The following DPP10 variants were observed in gnomAD, a reference collection of about 807,000 sequenced individuals.
The protein encoded by DPP10 is inactive dipeptidyl peptidase 10.
DPP10 carries 33 observed loss-of-function variants against 120.9 expected under a neutral mutation model. The observed-to-expected ratio is 0.27, with a 90% CI of 0.21 to 0.37. The LOEUF (loss-of-function observed/expected upper bound fraction) is 0.37, where lower values mean the gene tolerates loss of function less well. DPP10 is among the 10% of genes least tolerant of loss of function. DPP10 has a pLI of 1.00. For synonymous variants in DPP10, 337 were observed against 326.1 expected, an observed-to-expected ratio of 1.03 and a Z score of -0.36; for missense variants, 816 against 942.8, an observed-to-expected ratio of 0.87 and a Z score of 1.76.
chr2:115,784,564 A>T (rs1395586926), intron 17 of DPP10, among the ~76,000 whole-genome samples: 1 of 152,008 alleles, frequency 6.6e-6, no homozygotes, highest in Non-Finnish European at 1.5e-5. Flanking sequence ...ACAGAATTTC[A>T]CTCTTGTTGC....
intron 1 of DPP10, among the ~76,000 whole-genome samples, chr2:114,692,987 G>T (rs1253549685): frequency 6.6e-6 from 1 of 151,892 alleles, no homozygotes; most frequent in African/African-American, 2.4e-5. Context: ...ACGTGAGATG[G>T]GTCTTTTGAA....
chr2:114,625,327 C>G (rs570416143), intron 1 of DPP10, among the ~76,000 whole-genome samples: 1 of 151,878 alleles, frequency 6.6e-6, no homozygotes, highest in Non-Finnish European at 1.5e-5. Context: ...TTGGTTAGAT[C>G]TAGAGGTAGG....
At chr2:115,371,110 C>A (rs1049281250) in intron 3 of DPP10, among the ~76,000 whole-genome samples, 3 of 152,090 alleles carry the variant, frequency 2.0e-5, no homozygotes, top group Non-Finnish European at 4.4e-5. Flanking sequence ...GGGGATCGTA[C>A]AACATCTGCT....
At chr2:114,805,470 T>A (rs1244479043) in intron 1 of DPP10, among the ~76,000 whole-genome samples, 5 of 152,188 alleles carry the variant, frequency 3.3e-5, no homozygotes, top group Non-Finnish European at 5.9e-5. Flanking sequence ...AAGTTGTTCT[T>A]GGTTACCTGT....
intron 5 of DPP10, among the ~76,000 whole-genome samples, chr2:115,531,281 C>A (rs1432282939): frequency 6.6e-6 from 1 of 151,936 alleles, no homozygotes; most frequent in African/African-American, 2.4e-5. Flanking sequence ...GGAGTGGGCC[C>A]AGCAATCTGT....
At chr2:114,690,673 T>A (rs1573975326) in intron 1 of DPP10, among the ~76,000 whole-genome samples, 1 of 152,028 alleles carries the variant, frequency 6.6e-6, no homozygotes, top group South Asian at 2.1e-4. Context: ...TTACTTTGGG[T>A]AGTATGTCCA....
intron 1 of DPP10, among the ~76,000 whole-genome samples, chr2:114,577,245 C>T (rs1010631460): frequency 1.3e-5 from 2 of 152,214 alleles, no homozygotes; most frequent in Non-Finnish European, 2.9e-5. Context: ...TTATCCCCAT[C>T]TTATAAATAG....
intron 5 of DPP10, among the ~76,000 whole-genome samples, chr2:115,657,481 A>G (rs1385693809): frequency 6.6e-6 from 1 of 151,764 alleles, no homozygotes; most frequent in Non-Finnish European, 1.5e-5. Flanking sequence ...AATCATCTGT[A>G]TCTTTCTTTT....
At chr2:115,282,690 G>T (rs1012305059) in intron 1 of DPP10, among the ~76,000 whole-genome samples, 1 of 152,096 alleles carries the variant, frequency 6.6e-6, no homozygotes, top group Non-Finnish European at 1.5e-5. Context: ...ATGTGCCAGA[G>T]CCTAGTTAAA....
chr2:114,853,718 C>T (rs1262775379), intron 1 of DPP10, among the ~76,000 whole-genome samples: 1 of 152,168 alleles, frequency 6.6e-6, no homozygotes, highest in Non-Finnish European at 1.5e-5. Context: ...CATTCACTCT[C>T]TCTTGGATCA....
intron 1 of DPP10, among the ~76,000 whole-genome samples, chr2:114,767,628 C>T (rs1476495369): frequency 2.0e-5 from 3 of 152,140 alleles, no homozygotes. Context: ...GAGGGCTGCA[C>T]ATCATAATTT....
At chr2:115,358,635 A>G (rs1379809890) in intron 3 of DPP10, among the ~76,000 whole-genome samples, 1 of 152,150 alleles carries the variant, frequency 6.6e-6, no homozygotes, top group East Asian at 1.9e-4. Context: ...GTATCCTTAT[A>G]GCAGCACCCC....
intron 5 of DPP10, among the ~76,000 whole-genome samples, chr2:115,610,240 C>T (rs768567949): frequency 2.0e-5 from 3 of 152,074 alleles, no homozygotes; most frequent in Non-Finnish European, 4.4e-5. Context: ...CCCCATGGAC[C>T]TCACCTGCAT....
intron 1 of DPP10, among the ~76,000 whole-genome samples, chr2:115,160,344 A>G (rs1298032380): frequency 6.6e-6 from 1 of 152,200 alleles, no homozygotes; most frequent in African/African-American, 2.4e-5. Flanking sequence ...TACATACTTT[A>G]TAGGAAGTAT....
chr2:114,653,027 A>AGAGAGAGTGTGTGTGT (rs1553476958), intron 1 of DPP10, among the ~76,000 whole-genome samples: 1 of 135,772 alleles, frequency 7.4e-6, no homozygotes, highest in African/African-American at 3.1e-5. Context: ...AGAGAGAGAG[A>AGAGAGAGTGTGTGTGT]GTGTGTGTGT....
chr2:115,474,344 T>G (rs1201213520), intron 3 of DPP10, among the ~76,000 whole-genome samples: 2 of 152,294 alleles, frequency 1.3e-5, no homozygotes, highest in East Asian at 1.9e-4. Context: ...TTAGCCAGGC[T>G]CTAATGGGTT....
intron 1 of DPP10, among the ~76,000 whole-genome samples, chr2:114,481,954 GGAGAGGAGAGAGAGA>G (rs1398553780): frequency 6.7e-6 from 1 of 150,030 alleles, no homozygotes; most frequent in Non-Finnish European, 1.5e-5. Context: ...GAAGAGAGGA[GGAGAGGAGAGAGAGA>G]GAGAGGAGAG....
chr2:114,976,554 T>C, intron 1 of DPP10, among the ~76,000 whole-genome samples: 1 of 152,242 alleles, frequency 6.6e-6, no homozygotes. Context: ...TAACACAGAA[T>C]TGTTGAATCA....
At chr2:114,774,832 C>T (rs1245028674) in intron 1 of DPP10, among the ~76,000 whole-genome samples, 1 of 151,656 alleles carries the variant, frequency 6.6e-6, no homozygotes, top group Non-Finnish European at 1.5e-5. Context: ...AATTCAGTTA[C>T]GTCTTTGACC....
Sources: gnomAD v4.1 joint callset for allele counts (sites outside exome capture counted in the v4.1 genomes callset) on GRCh38, gnomAD v4.1.1 for gene constraint, MANE v1.5 for transcripts, NCBI Gene and HGNC (gene_info 2026-07-23, HGNC 2026-07-21) for gene names.